The following SSB variants were observed in gnomAD, a reference collection of about 807,000 sequenced individuals.
SSB encodes the protein lupus La protein.
In SSB, 17 loss-of-function variants were observed where a neutral mutation model predicts 52.9. That is an observed-to-expected ratio of 0.32 (90% CI 0.22 to 0.48). The LOEUF (loss-of-function observed/expected upper bound fraction) is 0.48, where lower values mean the gene tolerates loss of function less well. Ranked by LOEUF, SSB falls within the 20% of genes least tolerant of loss-of-function variation. The pLI is 0.99. For missense variants in SSB, 314 were observed against 463.6 expected, an observed-to-expected ratio of 0.68 and a Z score of 2.96; for synonymous variants, 111 against 152.1, an observed-to-expected ratio of 0.73 and a Z score of 1.99.
Position 169,808,462 on chromosome 2 carries a change from C to G in SSB, c.555-20C>G, listed in dbSNP as rs370335726. ...AACTTTGTTCTCGTGAACTTAGCCTCTGTACTGTGTGTTCTTTAGGGACGA... is the reference window on the plus strand; with the variant it reads ...AACTTTGTTCTCGTGAACTTAGCCTGTGTACTGTGTGTTCTTTAGGGACGA... On this transcript the variant is annotated intron_variant, in intron 6 of 11. Transcript: ENST00000260956. The G allele has an allele frequency of 4.1e-5, 66 of 1,605,640 alleles. No homozygotes were observed. In the African/African-American group the frequency reaches 7.8e-4, roughly 19 times the overall value.
chr2:169,810,539 T>C, intron 9 of SSB, 116 bp downstream of exon 9: 1 of 966,378 alleles, frequency 1.0e-6, no homozygotes, highest in Admixed American at 3.0e-5. Flanking sequence ...TTCTACTTGA[T>C]CATTTGTTAT....
At chr2:169,805,051 A>G (rs1202360272) in intron 2 of SSB, among the ~76,000 whole-genome samples, 1 of 152,028 alleles carries the variant, frequency 6.6e-6, no homozygotes, top group Admixed American at 6.6e-5. Context: ...AATCACTTGA[A>G]CCTGGGAAGC....
At chr2:169,799,802 CAG>C (rs1286000134) in intron 1 of SSB, among the ~76,000 whole-genome samples, 1 of 152,120 alleles carries the variant, frequency 6.6e-6, no homozygotes, top group Non-Finnish European at 1.5e-5. Context: ...TGCAGTGTGT[CAG>C]GGGATGCTTC....
At chr2:169,808,813 C>A in intron 7 of SSB, 47 bp from the exon 8 acceptor site, 1 of 1,407,412 alleles carries the variant, frequency 7.1e-7, no homozygotes, top group Non-Finnish European at 9.9e-7. Flanking sequence ...ACTTAATTTT[C>A]TTATATAGTA....
intron 2 of SSB, among the ~76,000 whole-genome samples, chr2:169,802,816 T>C (rs1689738889): frequency 6.6e-6 from 1 of 152,230 alleles, no homozygotes; most frequent in Non-Finnish European, 1.5e-5. Context: ...GGTACATTTC[T>C]AACAATTTTA....
Position 169,811,958 on chromosome 2 carries a change from A to C in SSB, c.*202A>C. 3 of 1,330,462 alleles carry C rather than the reference A, an allele frequency of 2.3e-6. No individual in the cohort carries two copies. The highest frequency in any genetic ancestry group is 1.0e-6 in the Non-Finnish European group (1 of 955,004). 82.4% of individuals were successfully genotyped at this position (1,330,462 alleles called of 1,614,324 possible). On this transcript the variant is annotated 3_prime_UTR_variant, in exon 12 of 12. Coordinates refer to ENST00000260956, the MANE Select transcript of SSB (RefSeq NM_003142.5). ...TGTTCTGTTTGTGTTATTTCAGATGATTCAAATATCAAAAGGAAGATTCTT... is the reference window on the plus strand; with the variant it reads ...TGTTCTGTTTGTGTTATTTCAGATGCTTCAAATATCAAAAGGAAGATTCTT...
intron 2 of SSB, among the ~76,000 whole-genome samples, chr2:169,801,793 C>G (rs770437568): frequency 1.5e-4 from 23 of 152,152 alleles, no homozygotes; most frequent in Non-Finnish European, 2.2e-4. Flanking sequence ...CTCAGCCTCC[C>G]AAAGTGCTGG....
At chr2:169,805,431 CATATT>C (rs773544541) in intron 2 of SSB, 38 bp from the exon 3 acceptor site, 1 of 1,398,526 alleles carries the variant, frequency 7.2e-7, no homozygotes, top group Non-Finnish European at 1.0e-6. Context: ...GATTGGAGTC[CATATT>C]ATACAGTGTT....
chr2:169,808,398 G>T, intron 6 of SSB, 84 bp from the exon 7 acceptor site: 1 of 1,060,302 alleles, frequency 9.4e-7, no homozygotes, highest in Admixed American at 2.1e-5. Flanking sequence ...ATTCATTGCT[G>T]TGCCATGTCT....
chr2:169,810,762 A>G (rs948792077), intron 9 of SSB, 96 bp from the exon 10 acceptor site: 13 of 1,199,482 alleles, frequency 1.1e-5, no homozygotes, highest in Non-Finnish European at 1.5e-5. Flanking sequence ...AAAGACATGG[A>G]AGGTTTGCAG....
chr2:169,810,937 G>A lies in SSB; in HGVS notation c.890G>A (p.Arg297Lys). 1 of 1,613,524 alleles carries A rather than the reference G, an allele frequency of 6.2e-7. No homozygotes were observed. Among genetic ancestry groups the A allele is most frequent in the East Asian group, 2.2e-5 (1 of 44,842 alleles). Residue 297 changes from arginine (R) to lysine (K), a missense_variant, in exon 10 of 12, where the codon AGG becomes AAG. By Grantham distance (26) the Arg-to-Lys change is conservative (BLOSUM62 2). Coordinates refer to ENST00000260956, the MANE Select transcript of SSB (RefSeq NM_003142.5). Reference sequence around the variant, plus strand: ...GCAAATAATGGTAACCTACAATTAAGGAACAAAGAAGTGACTTGGGAAGTA... The same window carrying A: ...GCAAATAATGGTAACCTACAATTAAAGAACAAAGAAGTGACTTGGGAAGTA... The part of the protein sequence containing the change: ...KDANNGNLQL[R>K]NKEVTWEVLE...
At chr2:169,807,500 G>T (rs999017387) in intron 6 of SSB, among the ~76,000 whole-genome samples, 1 of 152,050 alleles carries the variant, frequency 6.6e-6, no homozygotes, top group Non-Finnish European at 1.5e-5. Flanking sequence ...TGTTGGCCAG[G>T]CTGGTCTTGA....
rs59743225 is a variant in SSB at position 169,800,534 on chromosome 2, C to CAAAAAAAAAAAAAAAAAAAA, written c.-9-399_-9-398insAAAAAAAAAAAAAAAAAAAA. On this transcript the variant is annotated intron_variant, in intron 1 of 11. Transcript: ENST00000260956. ...GGGCAACAAAAGCGAGACTCCGTCT[C>CAAAAAAAAAAAAAAAAAAAA]AAAAAAAAAAAAAAAAAAAGAGGTG... Among the ~76,000 whole-genome samples the CAAAAAAAAAAAAAAAAAAAA allele has an allele frequency of 4.6e-4, 36 of 78,262 alleles. 2 individuals carry two copies. The highest frequency in any genetic ancestry group is 1.8e-3 in the African/African-American group (31 of 17,702). 51.3% of individuals were successfully genotyped at this position (78,262 alleles called of 152,430 possible).
intron 9 of SSB, 147 bp from the exon 10 acceptor site, chr2:169,810,711 C>T (rs1689932213): frequency 2.6e-6 from 2 of 779,408 alleles, no homozygotes; most frequent in Admixed American, 3.3e-5. Context: ...ACTTCTGTAG[C>T]ATTCCTTTTC....
chr2:169,809,613 A>AT (rs1345303085), intron 8 of SSB, among the ~76,000 whole-genome samples: 21 of 148,034 alleles, frequency 1.4e-4, no homozygotes, highest in South Asian at 2.2e-4. Context: ...TGACTATAAA[A>AT]TTTTTTTTTT....
At chr2:169,799,606 T>C (rs1689664645) in intron 1 of SSB, 1 of 152,184 alleles carries the variant, frequency 6.6e-6, no homozygotes, top group Non-Finnish European at 1.5e-5. Flanking sequence ...TTTTGCAGGG[T>C]CTAAATAGTT....
At chr2:169,808,248 A>C (rs1003840019) in intron 6 of SSB, among the ~76,000 whole-genome samples, 1 of 152,182 alleles carries the variant, frequency 6.6e-6, no homozygotes, top group Non-Finnish European at 1.5e-5. Flanking sequence ...CATTCAAGGT[A>C]CACTTTAAAA....
chr2:169,806,644 G>T (rs1176617305), intron 4 of SSB, 141 bp from the exon 5 acceptor site: 3 of 645,276 alleles, frequency 4.6e-6, no homozygotes, highest in Non-Finnish European at 8.0e-6. Flanking sequence ...AAACAAGGCT[G>T]TTAAGTGATT....
intron 1 of SSB, among the ~76,000 whole-genome samples, chr2:169,800,269 A>T (rs2556349): frequency 6.6e-6 from 1 of 152,100 alleles, no homozygotes; most frequent in East Asian, 1.9e-4. Flanking sequence ...GGTGGCTCAC[A>T]CCTGTAATCC....
Sources: gnomAD v4.1 joint callset for allele counts (sites outside exome capture counted in the v4.1 genomes callset) on GRCh38, gnomAD v4.1.1 for gene constraint, MANE v1.5 for transcripts, NCBI Gene and HGNC (gene_info 2026-07-23, HGNC 2026-07-21) for gene names.